The following ARPP21 variants were observed in gnomAD, a reference collection of about 807,000 sequenced individuals.
ARPP21 encodes the protein cAMP regulated phosphoprotein 21.
In ARPP21, 69 loss-of-function variants were observed where a neutral mutation model predicts 113.2. The ratio of observed to expected loss-of-function variants is 0.61; its 90% CI spans 0.50 to 0.74. ARPP21 has a LOEUF of 0.74. Among genes scored for constraint, ARPP21 ranks in the 30% least tolerant of loss-of-function variants. The pLI is 0.00. For missense variants in ARPP21, 1,070 were observed against 1,037.4 expected (o/e 1.03, Z -0.43); for synonymous variants, 368 against 375.5 (o/e 0.98, Z 0.23).
chr3:35,733,774 A>G (rs555155933), intron 15 of ARPP21, among the ~76,000 whole-genome samples: 1 of 152,228 alleles, frequency 6.6e-6, no homozygotes, highest in Non-Finnish European at 1.5e-5. Flanking sequence ...TGAGCATAAA[A>G]ATCAATTTTT....
intron 4 of ARPP21, 138 bp downstream of exon 4, chr3:35,683,027 G>T: frequency 1.3e-6 from 1 of 759,748 alleles, no homozygotes. Context: ...ACTGGTGCTG[G>T]CTGTTTTTGA....
intron 9 of ARPP21, 110 bp from the exon 10 acceptor site, chr3:35,706,864 A>G: frequency 2.7e-6 from 2 of 737,368 alleles, no homozygotes; most frequent in East Asian, 2.6e-5. Flanking sequence ...TATGAAAACC[A>G]CTTGTAAACT....
intron 19 of ARPP21, among the ~76,000 whole-genome samples, chr3:35,760,796 T>C (rs1338043949): frequency 6.6e-6 from 1 of 152,060 alleles, no homozygotes; most frequent in African/African-American, 2.4e-5. Flanking sequence ...TCCTAAATCA[T>C]TGTTTCTTGA....
intron 1 of ARPP21, chr3:35,642,190 A>G (rs1444493520): frequency 1.3e-5 from 2 of 152,166 alleles, no homozygotes; most frequent in Non-Finnish European, 2.9e-5. Context: ...CAAATTGCTG[A>G]TCTCCCAGTG....
Position 35,681,701 on chromosome 3 carries a change from C to G in ARPP21, c.-38-13C>G, listed in dbSNP as rs1490622649. 5 of 1,478,554 alleles carry G rather than the reference C, an allele frequency of 3.4e-6. No individual in the cohort carries two copies. In the African/African-American group the frequency reaches 7.0e-5, roughly 21 times the overall value. 91.6% of individuals were successfully genotyped at this position (1,478,554 alleles called of 1,614,324 possible). On this transcript the variant is annotated splice_polypyrimidine_tract_variant and intron_variant, in intron 2 of 20. Transcript: ENST00000684406. ...TTGCACTGACTTTATTTTCTGATAT[C>G]TTAACCTTCTAGGGCATAAAATCTT...
At chr3:35,748,113 G>T in intron 19 of ARPP21, among the ~76,000 whole-genome samples, 1 of 87,656 alleles carries the variant, frequency 1.1e-5, no homozygotes, top group Non-Finnish European at 2.1e-5. Context: ...AAAGAAAGAA[G>T]AAAGAAAGAA....
chr3:35,761,306 G>T (rs1314234665), intron 19 of ARPP21, among the ~76,000 whole-genome samples: 1 of 152,030 alleles, frequency 6.6e-6, no homozygotes, highest in Non-Finnish European at 1.5e-5. Flanking sequence ...GGGTGGGTAG[G>T]CAACGTTTAG....
chr3:35,756,027 A>G (rs566552493), intron 19 of ARPP21, among the ~76,000 whole-genome samples: 7 of 152,098 alleles, frequency 4.6e-5, no homozygotes, highest in Non-Finnish European at 1.0e-4. Context: ...TGCTTACTAC[A>G]GGGACACAAA....
intron 9 of ARPP21, among the ~76,000 whole-genome samples, chr3:35,696,671 A>G (rs1172687431): frequency 1.3e-5 from 2 of 151,534 alleles, no homozygotes; most frequent in African/African-American, 2.4e-5. Context: ...GACCCTTGCC[A>G]GGGTGAAGGT....
intron 1 of ARPP21, among the ~76,000 whole-genome samples, chr3:35,678,452 G>C (rs1273860589): frequency 6.6e-6 from 1 of 151,886 alleles, no homozygotes; most frequent in Non-Finnish European, 1.5e-5. Flanking sequence ...TATTATAGTA[G>C]CTATGGTGAA....
At chr3:35,791,490 C>T (rs2096746973) in intron 19 of ARPP21, among the ~76,000 whole-genome samples, 1 of 152,038 alleles carries the variant, frequency 6.6e-6, no homozygotes, top group Non-Finnish European at 1.5e-5. Flanking sequence ...TCACCTAAAT[C>T]ATAACTTTCT....
chr3:35,724,749 A>G (rs768422029), intron 14 of ARPP21, among the ~76,000 whole-genome samples: 2 of 152,114 alleles, frequency 1.3e-5, no homozygotes, highest in Admixed American at 1.3e-4. Context: ...TTTTTGATCC[A>G]ATGCAAGACA....
chr3:35,668,865 A>G (rs541588731), intron 1 of ARPP21, among the ~76,000 whole-genome samples: 4 of 152,214 alleles, frequency 2.6e-5, no homozygotes, highest in African/African-American at 9.6e-5. Flanking sequence ...AAAATATGTA[A>G]TCTTTGAGGC....
intron 14 of ARPP21, among the ~76,000 whole-genome samples, chr3:35,728,640 GAT>G (rs1242723997): frequency 6.6e-6 from 1 of 151,790 alleles, no homozygotes; most frequent in African/African-American, 2.4e-5. Flanking sequence ...TCAGTGTCCT[GAT>G]TCATCTTTGT....
chr3:35,777,927 A>G (rs1339031467), intron 19 of ARPP21, among the ~76,000 whole-genome samples: 1 of 152,236 alleles, frequency 6.6e-6, no homozygotes, highest in Non-Finnish European at 1.5e-5. Context: ...TCCAAATGGA[A>G]AGGCAAGCAT....
At chr3:35,750,631 T>C (rs2095368125) in intron 19 of ARPP21, among the ~76,000 whole-genome samples, 1 of 152,168 alleles carries the variant, frequency 6.6e-6, no homozygotes, top group East Asian at 1.9e-4. Context: ...TGTTTTTATG[T>C]TTACAGTTCC....
At chr3:35,644,519 G>T (rs1022665030) in intron 1 of ARPP21, among the ~76,000 whole-genome samples, 1 of 151,814 alleles carries the variant, frequency 6.6e-6, no homozygotes, top group African/African-American at 2.4e-5. Context: ...AAAATCTGTG[G>T]TCTGAAGATA....
intron 15 of ARPP21, among the ~76,000 whole-genome samples, chr3:35,735,990 A>G (rs2094326048): frequency 6.6e-6 from 1 of 152,036 alleles, no homozygotes; most frequent in Non-Finnish European, 1.5e-5. Flanking sequence ...ATTTTTTTTC[A>G]TCGTTACCCA....
At chr3:35,689,267 ACCATCATT>A (rs1488812169) in intron 6 of ARPP21, 32 bp from the exon 7 acceptor site, 1 of 929,522 alleles carries the variant, frequency 1.1e-6, no homozygotes, top group Non-Finnish European at 1.8e-6. Context: ...CCACCTTTCC[ACCATCATT>A]CCTGACAGCT....
Sources: gnomAD v4.1 joint callset for allele counts (sites outside exome capture counted in the v4.1 genomes callset) on GRCh38, gnomAD v4.1.1 for gene constraint, MANE v1.5 for transcripts, NCBI Gene and HGNC (gene_info 2026-07-23, HGNC 2026-07-21) for gene names.